The following PTPRD variants were observed in gnomAD, a reference collection of about 807,000 sequenced individuals.
The protein encoded by PTPRD is receptor-type tyrosine-protein phosphatase delta.
Under a neutral mutation model 214.5 loss-of-function variants are expected in PTPRD, and 34 were observed. The observed-to-expected ratio is 0.16, with a 90% CI of 0.12 to 0.21. PTPRD has a LOEUF of 0.21. Among genes scored for constraint, PTPRD ranks in the 10% least tolerant of loss-of-function variants. The probability of loss-of-function intolerance (pLI) is 1.00; values close to 1 mark genes in which losing one functional copy is unlikely to be tolerated. For synonymous variants in PTPRD, 1,128 were observed against 845.7 expected, an observed-to-expected ratio of 1.33 and a Z score of -5.79; for missense variants, 2,545 against 2,398.7, an observed-to-expected ratio of 1.06 and a Z score of -1.27.
At chr9:9,175,644 A>AAACAAC (rs1569558788) in intron 10 of PTPRD, among the ~76,000 whole-genome samples, 1 of 150,546 alleles carries the variant, frequency 6.6e-6, no homozygotes, top group African/African-American at 2.4e-5. Context: ...AAAAAAAAAA[A>AAACAAC]AAAAAAGAGT....
At chr9:9,441,823 GT>G (rs1199055668) in intron 8 of PTPRD, among the ~76,000 whole-genome samples, 1 of 152,176 alleles carries the variant, frequency 6.6e-6, no homozygotes, top group Non-Finnish European at 1.5e-5. Flanking sequence ...TTGCAGAATG[GT>G]GTCATGCTAA....
chr9:9,320,789 T>C (rs1394392389), intron 9 of PTPRD, among the ~76,000 whole-genome samples: 1 of 152,212 alleles, frequency 6.6e-6, no homozygotes, highest in Admixed American at 6.5e-5. Context: ...ACTTTTATGA[T>C]ACCTCTACAT....
At chr9:9,995,751 G>A (rs1318712149) in intron 4 of PTPRD, among the ~76,000 whole-genome samples, 1 of 152,108 alleles carries the variant, frequency 6.6e-6, no homozygotes, top group Non-Finnish European at 1.5e-5. Context: ...TTGGGACCCT[G>A]TCAGACATGT....
At position 10,016,767 on chromosome 9, in the gene PTPRD, C is replaced by T. The variant is rs146964909; in HGVS notation, c.-472+16951G>A. Among the ~76,000 whole-genome samples the T allele has an allele frequency of 7.1e-4, 108 of 151,584 alleles. 1 individual carries two copies. The East Asian group carries it at 0.02, about 28-fold the overall frequency. On this transcript the variant is annotated intron_variant, in intron 4 of 45. Transcript: ENST00000381196. ...GCATCCTCGATCTCTTGGGCTCAAGCCAGCTTCCTACCTTGGCCTCCAAAG... is the reference window on the plus strand; with the variant it reads ...GCATCCTCGATCTCTTGGGCTCAAGTCAGCTTCCTACCTTGGCCTCCAAAG...
At chr9:9,776,877 C>G (rs189675464) in intron 5 of PTPRD, among the ~76,000 whole-genome samples, 74 of 152,288 alleles carry the variant, frequency 4.9e-4, no homozygotes, top group Admixed American at 4.1e-3. Context: ...TAGATAATAA[C>G]CAGCTAATTT....
chr9:8,728,524 T>C (rs887342100), intron 12 of PTPRD, among the ~76,000 whole-genome samples: 10 of 152,234 alleles, frequency 6.6e-5, no homozygotes, highest in East Asian at 1.9e-4. Flanking sequence ...TAATAAGATA[T>C]GTTTCTGGTG....
chr9:9,764,167 G>A (rs143772408), intron 6 of PTPRD, among the ~76,000 whole-genome samples: 3 of 152,076 alleles, frequency 2.0e-5, no homozygotes, highest in Non-Finnish European at 4.4e-5. Context: ...AATGCCATAT[G>A]ACACATAATT....
At chr9:9,796,836 A>G (rs1216720263) in intron 5 of PTPRD, among the ~76,000 whole-genome samples, 2 of 152,172 alleles carry the variant, frequency 1.3e-5, no homozygotes, top group Admixed American at 1.3e-4. Context: ...ATGATTTGGC[A>G]TATACAAAGC....
intron 10 of PTPRD, among the ~76,000 whole-genome samples, chr9:9,112,827 A>G (rs1157983980): frequency 6.6e-6 from 1 of 152,174 alleles, no homozygotes; most frequent in Non-Finnish European, 1.5e-5. Flanking sequence ...ATGGGACCAT[A>G]GCAAATATGT....
intron 37 of PTPRD, among the ~76,000 whole-genome samples, chr9:8,379,424 G>A (rs915795533): frequency 1.3e-5 from 2 of 152,094 alleles, no homozygotes; most frequent in African/African-American, 4.8e-5. Context: ...AGGGCTTAGA[G>A]TTACTGACAA....
At chr9:9,424,192 T>A (rs990376403) in intron 8 of PTPRD, among the ~76,000 whole-genome samples, 4 of 152,190 alleles carry the variant, frequency 2.6e-5, no homozygotes, top group Admixed American at 6.5e-5. Context: ...AAAAATTTGT[T>A]GCCACTTCAT....
intron 8 of PTPRD, among the ~76,000 whole-genome samples, chr9:9,411,189 C>A (rs1431620329): frequency 2.0e-5 from 3 of 150,972 alleles, no homozygotes; most frequent in African/African-American, 7.3e-5. Context: ...AGTTTGTGTT[C>A]CTATTCAATT....
intron 3 of PTPRD, among the ~76,000 whole-genome samples, chr9:10,064,579 T>C (rs78076849): frequency 2.8e-4 from 43 of 151,980 alleles, no homozygotes; most frequent in Non-Finnish European, 5.6e-4. Context: ...CCTGAACCTC[T>C]CCAAGAAGCT....
intron 10 of PTPRD, among the ~76,000 whole-genome samples, chr9:9,079,748 T>C (rs1417765611): frequency 6.6e-6 from 1 of 152,052 alleles, no homozygotes; most frequent in African/African-American, 2.4e-5. Flanking sequence ...AGGATCACAA[T>C]ATGTATGCAC....
intron 11 of PTPRD, among the ~76,000 whole-genome samples, chr9:8,947,014 A>ATTTTTTTTTTTTTT (rs143478859): frequency 9.3e-6 from 1 of 106,964 alleles, no homozygotes. Flanking sequence ...GTCTCTCTGT[A>ATTTTTTTTTTTTTT]TTTTTTTTTC....
At chr9:8,933,736 C>T (rs141101057) in intron 11 of PTPRD, among the ~76,000 whole-genome samples, 2 of 152,158 alleles carry the variant, frequency 1.3e-5, no homozygotes, top group East Asian at 3.9e-4. Flanking sequence ...GTTCAAATGA[C>T]ATCAGAAAAT....
At chr9:10,116,916 A>G (rs1008513432) in intron 3 of PTPRD, among the ~76,000 whole-genome samples, 7 of 151,678 alleles carry the variant, frequency 4.6e-5, no homozygotes, top group African/African-American at 1.4e-4. Flanking sequence ...ACTCATCTGC[A>G]TTCATCTAGA....
intron 43 of PTPRD, among the ~76,000 whole-genome samples, chr9:8,335,312 T>C (rs1316408960): frequency 1.3e-5 from 2 of 151,946 alleles, no homozygotes; most frequent in African/African-American, 4.8e-5. Flanking sequence ...GTCGGCTTCA[T>C]CCCTGGGATG....
intron 11 of PTPRD, among the ~76,000 whole-genome samples, chr9:8,955,862 G>A (rs998236748): frequency 4.6e-5 from 7 of 151,708 alleles, no homozygotes; most frequent in African/African-American, 9.7e-5. Context: ...AAACTCATGC[G>A]TTCGACCTAC....
Sources: gnomAD v4.1 joint callset for allele counts (sites outside exome capture counted in the v4.1 genomes callset) on GRCh38, gnomAD v4.1.1 for gene constraint, MANE v1.5 for transcripts, NCBI Gene and HGNC (gene_info 2026-07-23, HGNC 2026-07-21) for gene names.